The following RNF216 variants were observed in gnomAD, a reference collection of about 807,000 sequenced individuals.
RNF216 encodes E3 ubiquitin-protein ligase RNF216.
A neutral mutation model predicts 110.8 loss-of-function variants in RNF216; 72 were observed. The ratio of observed to expected loss-of-function variants is 0.65; its 90% CI spans 0.54 to 0.79. The LOEUF (loss-of-function observed/expected upper bound fraction) is 0.79. RNF216 is among the 30% of genes least tolerant of loss of function. RNF216 has a pLI of 0.00. For missense variants in RNF216, 1,342 were observed against 1,141.2 expected (o/e 1.18, Z -2.54); for synonymous variants, 495 against 407.5 (o/e 1.21, Z -2.59).
At chr7:5,635,314 A>G (rs1787333278) in intron 15 of RNF216, among the ~76,000 whole-genome samples, 2 of 149,542 alleles carry the variant, frequency 1.3e-5, no homozygotes, top group Admixed American at 1.3e-4. Flanking sequence ...TTTTTAACAC[A>G]CAATGATATT....
chr7:5,625,239 T>TA (rs1786635998), intron 15 of RNF216, among the ~76,000 whole-genome samples: 1 of 152,076 alleles, frequency 6.6e-6, no homozygotes, highest in Non-Finnish European at 1.5e-5. Context: ...TTCCCTGAGG[T>TA]CCTCCAGGAG....
At chr7:5,724,256 A>G (rs988520852) in intron 8 of RNF216, among the ~76,000 whole-genome samples, 2 of 152,206 alleles carry the variant, frequency 1.3e-5, no homozygotes, top group African/African-American at 4.8e-5. Flanking sequence ...TGATGAAGGG[A>G]CAACAGTCAG....
chr7:5,733,663 C>CAAAAAAAAAAAAAAAAAAAAATAAAAA (rs75175715), intron 5 of RNF216, among the ~76,000 whole-genome samples: 1 of 113,794 alleles, frequency 8.8e-6, no homozygotes. Context: ...AAACATTAAC[C>CAAAAAAAAAAAAAAAAAAAAATAAAAA]AAAAAAAAAA....
intron 13 of RNF216, among the ~76,000 whole-genome samples, chr7:5,700,409 G>A (rs1235963280): frequency 6.6e-6 from 1 of 152,200 alleles, no homozygotes; most frequent in Non-Finnish European, 1.5e-5. Flanking sequence ...ATCAATTCTT[G>A]AGGGATTTTT....
At chr7:5,685,732 T>A (rs963972586) in intron 13 of RNF216, among the ~76,000 whole-genome samples, 1 of 152,218 alleles carries the variant, frequency 6.6e-6, no homozygotes, top group African/African-American at 2.4e-5. Flanking sequence ...GCACTGCAGA[T>A]GCCCATCTCA....
chr7:5,657,178 G>C (rs961922732), intron 13 of RNF216, among the ~76,000 whole-genome samples: 7 of 152,234 alleles, frequency 4.6e-5, no homozygotes, highest in Non-Finnish European at 2.9e-5. Flanking sequence ...ACTCTCTAGG[G>C]GGAGAGAAGT....
intron 5 of RNF216, among the ~76,000 whole-genome samples, chr7:5,732,374 C>T (rs758630596): frequency 2.1e-4 from 32 of 152,230 alleles, no homozygotes; most frequent in South Asian, 6.2e-4. Flanking sequence ...TCTGTTTTTA[C>T]GTGTTTTCTC....
chr7:5,716,644 G>T, intron 10 of RNF216, 72 bp downstream of exon 10: 1 of 1,277,790 alleles, frequency 7.8e-7, no homozygotes, highest in Non-Finnish European at 1.1e-6. Flanking sequence ...CATCAAAAAT[G>T]CTGACAAAAC....
intron 13 of RNF216, among the ~76,000 whole-genome samples, chr7:5,672,771 G>C (rs1193381532): frequency 6.6e-6 from 1 of 152,128 alleles, no homozygotes; most frequent in African/African-American, 2.4e-5. Flanking sequence ...GCAAGGTAGA[G>C]GATGGATATG....
intron 3 of RNF216, among the ~76,000 whole-genome samples, chr7:5,751,191 C>T (rs1795310557): frequency 6.6e-6 from 1 of 151,876 alleles, no homozygotes; most frequent in South Asian, 2.1e-4. Flanking sequence ...GGAACAACAA[C>T]AACAAAAAAA....
intron 3 of RNF216, among the ~76,000 whole-genome samples, chr7:5,747,296 A>T (rs1428354705): frequency 6.6e-6 from 1 of 152,210 alleles, no homozygotes; most frequent in Non-Finnish European, 1.5e-5. Flanking sequence ...ATTATAACTT[A>T]TGATCCTAGG....
At chr7:5,730,093 A>G (rs1794000353) in intron 6 of RNF216, among the ~76,000 whole-genome samples, 1 of 152,258 alleles carries the variant, frequency 6.6e-6, no homozygotes, top group African/African-American at 2.4e-5. Context: ...AAACAGATGT[A>G]TAGTATACGC....
intron 9 of RNF216, among the ~76,000 whole-genome samples, chr7:5,720,222 T>C (rs1793331675): frequency 6.6e-6 from 1 of 152,168 alleles, no homozygotes; most frequent in Admixed American, 6.5e-5. Context: ...TATGTGCTGA[T>C]TTTCTTCTGC....
At chr7:5,736,559 G>A (rs11971842) in intron 5 of RNF216, among the ~76,000 whole-genome samples, 3,718 of 151,644 alleles carry the variant, frequency 0.025, 141 homozygotes, top group African/African-American at 0.085. Flanking sequence ...GGGAAGTGAG[G>A]AGCGTCTCTG....
intron 3 of RNF216, among the ~76,000 whole-genome samples, chr7:5,742,586 CTTTTTTTTTT>C (rs59545890): frequency 2.4e-4 from 16 of 65,982 alleles, no homozygotes; most frequent in Non-Finnish European, 3.8e-4. Flanking sequence ...GGTGAAAAAT[CTTTTTTTTTT>C]TTTTTTTTTT....
In RNF216 at chr7:5,770,064, C is replaced by T. The variant is rs1331624500; in HGVS notation, c.-69-8926G>A. ...AAAAAAAAAAAAAAAGACTGAAAAT[C>T]GGCTGGGCGTGGTGGCTCACGCCTG... On this transcript the variant is annotated intron_variant, in intron 1 of 16. Coordinates refer to ENST00000389902, the MANE Select transcript of RNF216 (RefSeq NM_207111.4). 1.7e-4 allele frequency among the ~76,000 whole-genome samples: 18 copies of T among 106,540 alleles called. No individual in the cohort carries two copies. The East Asian group carries it at 2.8e-3, about 16-fold the overall frequency. 69.9% of individuals were successfully genotyped at this position (106,540 alleles called of 152,430 possible).
intron 8 of RNF216, among the ~76,000 whole-genome samples, chr7:5,721,731 T>C (rs543931642): frequency 6.6e-6 from 1 of 152,344 alleles, no homozygotes; most frequent in African/African-American, 2.4e-5. Flanking sequence ...GCCATTCTGG[T>C]GGGTGCAAAT....
chr7:5,735,141 GT>G (rs199699810), intron 5 of RNF216, among the ~76,000 whole-genome samples: 2,077 of 151,978 alleles, frequency 0.014, 24 homozygotes, highest in South Asian at 0.034. Context: ...GTGAGACTTC[GT>G]CTCAAAAAAA....
intron 13 of RNF216, among the ~76,000 whole-genome samples, chr7:5,675,660 A>AAACG (rs1295845279): frequency 1.3e-5 from 2 of 151,818 alleles, no homozygotes; most frequent in East Asian, 1.9e-4. Flanking sequence ...ACAAACAAAC[A>AAACG]AACGAACAAA....
Sources: gnomAD v4.1 joint callset for allele counts (sites outside exome capture counted in the v4.1 genomes callset) on GRCh38, gnomAD v4.1.1 for gene constraint, MANE v1.5 for transcripts, NCBI Gene and HGNC (gene_info 2026-07-23, HGNC 2026-07-21) for gene names.